The following DYSF variants were observed in gnomAD, a reference collection of about 807,000 sequenced individuals.
The protein encoded by DYSF is dysferlin, also known as dystrophy-associated fer-1-like 1.
In DYSF, 212 loss-of-function variants were observed where a neutral mutation model predicts 274.9. That is an observed-to-expected ratio of 0.77 (90% confidence interval 0.69 to 0.86). The LOEUF is 0.86. DYSF is among the 40% of genes least tolerant of loss of function. The probability of loss-of-function intolerance (pLI) is 0.00; values close to 1 mark genes in which losing one functional copy is unlikely to be tolerated. For synonymous variants in DYSF, 1,091 were observed against 1,078.7 expected (o/e 1.01, Z -0.22); for missense variants, 2,666 against 2,783.2 (o/e 0.96, Z 0.95).
chr2:71,551,182 G>A, intron 18 of DYSF, 26 bp downstream of exon 18: 2 of 1,611,128 alleles, frequency 1.2e-6, no homozygotes, highest in Admixed American at 3.3e-5. Flanking sequence ...CCCTGGCAAG[G>A]GCAGGATGCC....
In DYSF at chr2:71,656,240, G is replaced by C; in HGVS notation, c.4705G>C (p.Gly1569Arg). 1 of 1,614,190 alleles carries C rather than the reference G, an allele frequency of 6.2e-7. No homozygotes were observed. The highest frequency in any genetic ancestry group is 1.3e-5 in the African/African-American group (1 of 75,030). ...DFCNTFKLYR[G>R]KTQEETEDPS... Reference sequence around the variant, plus strand: ...TTGTAACACCTTCAAGCTGTACCGGGGCAAGACGCAGGAGGAGACAGAAGA... The same window carrying C: ...TTGTAACACCTTCAAGCTGTACCGGCGCAAGACGCAGGAGGAGACAGAAGA... The change falls in exon 43 of 56, where the codon GGC becomes CGC. Residue 1569 changes from glycine (G) to arginine (R), a missense_variant. Transcript: ENST00000410020.
intron 12 of DYSF, among the ~76,000 whole-genome samples, chr2:71,522,862 C>T (rs1244652866): frequency 1.3e-5 from 2 of 152,146 alleles, no homozygotes; most frequent in African/African-American, 4.8e-5. Context: ...TCATTCTTTA[C>T]CCCTCAATCC....
intron 29 of DYSF, among the ~76,000 whole-genome samples, chr2:71,571,877 GCACACACAGCTCACACCCAGCA>G (rs1259429930): frequency 4.7e-5 from 5 of 106,472 alleles, no homozygotes; most frequent in Middle Eastern, 0.01. Flanking sequence ...ATCACACCCA[GCACACACAGCTCACACCCAGCA>G]CACACACAGA....
At chr2:71,649,338 GATAAA>G (rs1341501970) in intron 42 of DYSF, among the ~76,000 whole-genome samples, 2 of 152,020 alleles carry the variant, frequency 1.3e-5, no homozygotes, top group Non-Finnish European at 2.9e-5. Context: ...ATTGACATAT[GATAAA>G]ATAAATACAG....
At chr2:71,534,700 G>A (rs1250945623) in intron 14 of DYSF, among the ~76,000 whole-genome samples, 1 of 152,186 alleles carries the variant, frequency 6.6e-6, no homozygotes. Flanking sequence ...CCCACATTTA[G>A]GGTCATGGCC....
intron 12 of DYSF, among the ~76,000 whole-genome samples, chr2:71,524,865 T>C (rs933018797): frequency 1.3e-5 from 2 of 152,212 alleles, no homozygotes; most frequent in African/African-American, 4.8e-5. Flanking sequence ...TCCAAGCACG[T>C]GGGTTCTGCT....
rs1484933792 is a variant in DYSF, at chr2:71,671,146, AC to A, written c.5784+1401del. ...TAGAGAAAGCAAAATGTTCCGCGGA[AC>A]ATTCTGAAACCATGAAACAAAAGAA... On this transcript the variant is annotated intron_variant, in intron 51 of 55. Transcript: ENST00000410020. Among the ~76,000 whole-genome samples, 8 of 152,340 alleles carry A rather than the reference AC, an allele frequency of 5.3e-5. No individual in the cohort carries two copies. The East Asian group carries it at 1.2e-3, about 22-fold the overall frequency.
chr2:71,533,161 AG>A (rs2088939285), intron 14 of DYSF, among the ~76,000 whole-genome samples: 1 of 152,110 alleles, frequency 6.6e-6, no homozygotes, highest in Non-Finnish European at 1.5e-5. Context: ...CTGGTACTAT[AG>A]GCATGTGACA....
At chr2:71,659,432 G>A (rs182344505) in intron 44 of DYSF, among the ~76,000 whole-genome samples, 1 of 152,310 alleles carries the variant, frequency 6.6e-6, no homozygotes, top group Non-Finnish European at 1.5e-5. Flanking sequence ...GAGGGTATAG[G>A]TTGGGACTCT....
At chr2:71,521,260 T>A (rs1559068589) in intron 12 of DYSF, among the ~76,000 whole-genome samples, 1 of 152,180 alleles carries the variant, frequency 6.6e-6, no homozygotes, top group Non-Finnish European at 1.5e-5. Context: ...ATCATGCTCA[T>A]CTCCACATGT....
intron 4 of DYSF, among the ~76,000 whole-genome samples, chr2:71,505,944 G>A (rs1273262124): frequency 6.6e-6 from 1 of 152,220 alleles, no homozygotes; most frequent in Admixed American, 6.5e-5. Context: ...GCAGGACAGT[G>A]CTCAGTGAGT....
intron 23 of DYSF, among the ~76,000 whole-genome samples, chr2:71,562,986 C>T (rs1433286739): frequency 2.0e-5 from 3 of 152,144 alleles, no homozygotes; most frequent in Non-Finnish European, 2.9e-5. Context: ...GTAAGGGCCC[C>T]GTGGAGAGAG....
At chr2:71,654,334 A>T (rs2094725775) in intron 42 of DYSF, among the ~76,000 whole-genome samples, 1 of 152,186 alleles carries the variant, frequency 6.6e-6, no homozygotes, top group Non-Finnish European at 1.5e-5. Context: ...TTTTCCAGAG[A>T]GCAATTTGTG....
In DYSF at chr2:71,468,548, C is replaced by T. The variant is rs191497916; in HGVS notation, c.91+1615C>T. On this transcript the variant is annotated intron_variant, in intron 1 of 55. Coordinates refer to ENST00000410020, the MANE Select transcript of DYSF (RefSeq NM_001130987.2). ...CGAACACGTGCAGCTGCTATCTCCC[C>T]CCAGATCTCTGTATTCCTTCTTTGT... 2.6e-5 allele frequency among the ~76,000 whole-genome samples: 4 copies of T among 152,184 alleles called. No homozygotes were observed. In the East Asian group the frequency reaches 7.7e-4, roughly 29 times the overall value.
intron 1 of DYSF, among the ~76,000 whole-genome samples, chr2:71,470,785 ATTCC>A (rs1209600480): frequency 1.9e-4 from 7 of 36,714 alleles, no homozygotes; most frequent in African/African-American, 6.8e-4. Context: ...TCCTTCCTTC[ATTCC>A]TTCCTTCTTT....
intron 30 of DYSF, 64 bp downstream of exon 30, chr2:71,574,435 G>A (rs1558514023): frequency 1.3e-6 from 2 of 1,572,262 alleles, no homozygotes; most frequent in South Asian, 1.2e-5. Flanking sequence ...GGGCTGTTCG[G>A]GCTGATGTGG....
chr2:71,506,386 C>T (rs1344932850), intron 4 of DYSF, among the ~76,000 whole-genome samples: 1 of 152,140 alleles, frequency 6.6e-6, no homozygotes, highest in Non-Finnish European at 1.5e-5. Flanking sequence ...CCCAAGGCAG[C>T]AGACGAGGGC....
chr2:71,645,444 G>A (rs1481715734), intron 42 of DYSF, among the ~76,000 whole-genome samples: 2 of 151,978 alleles, frequency 1.3e-5, no homozygotes, highest in East Asian at 2.0e-4. Flanking sequence ...GTGCTCCTAC[G>A]CCAGTGGGTC....
rs747793999 is a variant in DYSF, at chr2:71,645,672, C to T, written c.4626+1609C>T. 6.5e-4 allele frequency among the ~76,000 whole-genome samples: 99 copies of T among 152,064 alleles called. 1 individual carries two copies. Among genetic ancestry groups the T allele is most frequent in the Non-Finnish European group, 9.4e-4 (64 of 68,000 alleles). Reference sequence around the variant, plus strand: ...TGGCACAGGCCCGGGGGATGAAGCCCTCGCCAGGGACACCGTCCTCCTCTA... The same window carrying T: ...TGGCACAGGCCCGGGGGATGAAGCCTTCGCCAGGGACACCGTCCTCCTCTA... On this transcript the variant is annotated intron_variant, in intron 42 of 55. Coordinates refer to ENST00000410020, the MANE Select transcript of DYSF (RefSeq NM_001130987.2).
Sources: gnomAD v4.1 joint callset for allele counts (sites outside exome capture counted in the v4.1 genomes callset) on GRCh38, gnomAD v4.1.1 for gene constraint, MANE v1.5 for transcripts, NCBI Gene and HGNC (gene_info 2026-07-23, HGNC 2026-07-21) for gene names.